Variants in OR56A3 observed in about 807,000 individuals in gnomAD.
The protein encoded by OR56A3 is olfactory receptor 56A3.
In OR56A3, 23 loss-of-function variants were observed where a neutral mutation model predicts 17.5. That is an observed-to-expected ratio of 1.32 (90% CI 0.95 to 1.87). The LOEUF is 1.87. Among genes scored for constraint, OR56A3 ranks in the 40% most tolerant of loss-of-function variants. OR56A3 has a pLI of 0.00. For synonymous variants in OR56A3, 175 were observed against 150.6 expected (o/e 1.16, Z -1.19); for missense variants, 366 against 380.1 (o/e 0.96, Z 0.31).
the OR56A3 span, chr11:5,993,756 G>A: frequency 4.7e-6 from 1 of 211,648 alleles, no homozygotes; most frequent in East Asian, 1.3e-4. Flanking sequence ...AATTTAATAT[G>A]TTATTTTACT....
At chr11:6,008,180 C>T in the OR56A3 span, among the ~76,000 whole-genome samples, 2 of 152,084 alleles carry the variant, frequency 1.3e-5, no homozygotes, top group South Asian at 2.1e-4. Context: ...GAGAGAAGAA[C>T]AAGTCTTTTT....
At chr11:5,977,346 T>C in the OR56A3 span, among the ~76,000 whole-genome samples, 1 of 152,200 alleles carries the variant, frequency 6.6e-6, no homozygotes, top group Non-Finnish European at 1.5e-5. Context: ...GTATAAGTGT[T>C]CCTATTGCTC....
chr11:5,997,237 A>G, the OR56A3 span, among the ~76,000 whole-genome samples: 1 of 152,222 alleles, frequency 6.6e-6, no homozygotes, highest in African/African-American at 2.4e-5. Flanking sequence ...CAATATTGGC[A>G]GAATCTGAAT....
the OR56A3 span, chr11:6,021,837 A>G: frequency 6.6e-6 from 1 of 152,146 alleles, no homozygotes. Context: ...CCCTCTCAGT[A>G]AGTAAAAATA....
the OR56A3 span, chr11:5,986,508 A>G: frequency 2.1e-5 from 34 of 1,613,752 alleles, no homozygotes; most frequent in Non-Finnish European, 2.8e-5. Context: ...AAATGGCTAC[A>G]TAGCGATCCA....
the OR56A3 span, among the ~76,000 whole-genome samples, chr11:6,008,303 C>G: frequency 2.0e-5 from 3 of 152,166 alleles, no homozygotes; most frequent in Admixed American, 1.3e-4. Flanking sequence ...GCATCTCTAT[C>G]TTGCTATGTA....
rs1341926783 is a variant in OR56A3 at position 5,950,961 on chromosome 11, A to G, written c.*2667A>G. 6.6e-6 allele frequency: 1 copy of G among 152,132 alleles called. No homozygotes were observed. The allele number at this position is 152,132 out of a possible 1,614,324, so 9.4% of individuals were successfully genotyped here. On this transcript the variant is annotated 3_prime_UTR_variant, in exon 3 of 3. Transcript: ENST00000641160. ...GAAATACATCTTATAATACAGTTAT[A>G]TTTATATTATTTTGTTTTGGCTATA...
the OR56A3 span, among the ~76,000 whole-genome samples, chr11:5,997,882 G>C: frequency 6.6e-6 from 1 of 152,114 alleles, no homozygotes; most frequent in Non-Finnish European, 1.5e-5. Context: ...CATCACAATG[G>C]CTTCAAAATT....
At chr11:6,012,652 G>A in the OR56A3 span, among the ~76,000 whole-genome samples, 3 of 152,196 alleles carry the variant, frequency 2.0e-5, no homozygotes. Context: ...GAGGAAGTGT[G>A]CATGACTGGT....
rs929604541 is a variant in OR56A3, at chr11:5,949,375, A to T, written c.*1081A>T. Reference sequence around the variant, plus strand: ...ATACTTGGTCCTGTAAGGAAACATTAGATAAAGAGAAGGTCTGGGCAGTAG... The same window carrying T: ...ATACTTGGTCCTGTAAGGAAACATTTGATAAAGAGAAGGTCTGGGCAGTAG... On this transcript the variant is annotated 3_prime_UTR_variant, in exon 3 of 3. Coordinates refer to ENST00000641160, the MANE Select transcript of OR56A3 (RefSeq NM_001003443.3). The T allele has an allele frequency of 6.6e-6, 1 of 152,212 alleles. No individual in the cohort carries two copies. Among genetic ancestry groups the T allele is most frequent in the African/African-American group, 2.4e-5 (1 of 41,458 alleles). 9.4% of individuals were successfully genotyped at this position (152,212 alleles called of 1,614,324 possible).
chr11:5,986,592 G>T, the OR56A3 span: 1 of 1,613,956 alleles, frequency 6.2e-7, no homozygotes, highest in Admixed American at 1.7e-5. Flanking sequence ...TCAGGCAGAC[G>T]ATGTACCCAA....
chr11:6,017,568 A>G, the OR56A3 span, among the ~76,000 whole-genome samples: 10 of 152,282 alleles, frequency 6.6e-5, no homozygotes, highest in South Asian at 1.0e-3. Flanking sequence ...TCATAATTCA[A>G]TCGCCTCTCA....
chr11:6,002,600 A>G, the OR56A3 span: 2 of 1,614,210 alleles, frequency 1.2e-6, no homozygotes, highest in Non-Finnish European at 1.7e-6. Context: ...ATCTCAATGG[A>G]TGGCAGATGG....
At chr11:6,002,630 C>T in the OR56A3 span, 2 of 1,614,196 alleles carry the variant, frequency 1.2e-6, no homozygotes, top group Non-Finnish European at 1.7e-6. Flanking sequence ...GGTCATAGGC[C>T]ATGACCATGA....
At chr11:6,020,862 A>G in the OR56A3 span, 5 of 152,084 alleles carry the variant, frequency 3.3e-5, no homozygotes, top group Non-Finnish European at 7.4e-5. Flanking sequence ...AAGTGGTGAG[A>G]GAAGGCATCT....
chr11:5,947,378 C>A lies in OR56A3; in HGVS notation c.32C>A (p.Thr11Asn). 1 of 1,611,578 alleles carries A rather than the reference C, an allele frequency of 6.2e-7. No homozygotes were observed. Among genetic ancestry groups the A allele is most frequent in the Non-Finnish European group, 8.5e-7 (1 of 1,178,264 alleles). Residue 11 changes from threonine to asparagine, a missense_variant, in exon 3 of 3, where the codon ACT becomes AAT. Thr to Asn is a moderately conservative substitution (Grantham distance 65). Transcript: ENST00000641160. ...ACACACCGAAATGACACCCTCTCCA[C>A]TGAAGCTTCAGACTTCCTCTTGAAT... MTTHRNDTLS[T>N]EASDFLLNCF...
downstream of OR56A3, among the ~76,000 whole-genome samples, chr11:5,951,513 G>T (rs1310138236): frequency 6.6e-6 from 1 of 152,030 alleles, no homozygotes; most frequent in Non-Finnish European, 1.5e-5. Context: ...AAACCAAATA[G>T]GTGTTATTCA....
At chr11:5,968,257 C>T in the OR56A3 span, 103 of 1,613,404 alleles carry the variant, frequency 6.4e-5, no homozygotes, top group South Asian at 1.9e-4. Flanking sequence ...TTGGGGATGA[C>T]GGTGAGGCAG....
At chr11:5,962,209 G>C in the OR56A3 span, among the ~76,000 whole-genome samples, 1 of 152,086 alleles carries the variant, frequency 6.6e-6, no homozygotes, top group Non-Finnish European at 1.5e-5. Context: ...TGCATATGTT[G>C]GTTAGCATTT....
Sources: gnomAD v4.1 joint callset for allele counts (sites outside exome capture counted in the v4.1 genomes callset) on GRCh38, gnomAD v4.1.1 for gene constraint, MANE v1.5 for transcripts, NCBI Gene and HGNC (gene_info 2026-07-23, HGNC 2026-07-21) for gene names.